CLASP1: variants seen among roughly 807,000 people sequenced by gnomAD.
CLASP1 encodes cytoplasmic linker associated protein 1.
Under a neutral mutation model 192.3 loss-of-function variants are expected in CLASP1, and 38 were observed. That is an observed-to-expected ratio of 0.20 (90% CI 0.15 to 0.26). The LOEUF (loss-of-function observed/expected upper bound fraction) is 0.26, where lower values mean the gene tolerates loss of function less well. Ranked by LOEUF, CLASP1 falls within the 10% of genes least tolerant of loss-of-function variation. The probability of loss-of-function intolerance (pLI) is 1.00; values close to 1 mark genes in which losing one functional copy is unlikely to be tolerated. For synonymous variants in CLASP1, 691 were observed against 712.8 expected (o/e 0.97, Z 0.49); for missense variants, 1,433 against 1,932.5 (o/e 0.74, Z 4.85).
At chr2:121,401,743 A>G in intron 27 of CLASP1, 71 bp from the exon 29 acceptor site, 1 of 1,310,384 alleles carries the variant, frequency 7.6e-7, no homozygotes, top group South Asian at 1.2e-5. Flanking sequence ...ACAAAACATT[A>G]AAAATGCCCA....
chr2:121,439,216 T>A (rs549129858), intron 19 of CLASP1, among the ~76,000 whole-genome samples: 17 of 152,028 alleles, frequency 1.1e-4, no homozygotes, highest in African/African-American at 3.9e-4. Flanking sequence ...TTGATTCTTC[T>A]TTTTTTCTTT....
At chr2:121,569,794 T>C (rs1364797010) in intron 2 of CLASP1, among the ~76,000 whole-genome samples, 1 of 152,072 alleles carries the variant, frequency 6.6e-6, no homozygotes, top group African/African-American at 2.4e-5. Flanking sequence ...TGAGCCAAGA[T>C]TGCAGCACTG....
intron 7 of CLASP1, among the ~76,000 whole-genome samples, chr2:121,503,487 G>T (rs2093828856): frequency 6.6e-6 from 1 of 152,206 alleles, no homozygotes; most frequent in African/African-American, 2.4e-5. Flanking sequence ...GGTGACACAG[G>T]TGTGGGGTGG....
intron 2 of CLASP1, among the ~76,000 whole-genome samples, chr2:121,584,198 C>A (rs1001667974): frequency 6.6e-6 from 1 of 152,182 alleles, no homozygotes; most frequent in African/African-American, 2.4e-5. Context: ...ATCTTCCCAC[C>A]TCGGCCTCCC....
chr2:121,582,089 G>A (rs2061236379), intron 2 of CLASP1, among the ~76,000 whole-genome samples: 1 of 152,004 alleles, frequency 6.6e-6, no homozygotes, highest in African/African-American at 2.4e-5. Flanking sequence ...TCTGAACCCA[G>A]GAGATGGAGG....
intron 30 of CLASP1, 128 bp downstream of exon 31, chr2:121,397,012 G>C: frequency 2.4e-6 from 2 of 825,024 alleles, no homozygotes; most frequent in Non-Finnish European, 3.9e-6. Context: ...AGAGAGAAAA[G>C]GGCAACAGCA....
intron 2 of CLASP1, among the ~76,000 whole-genome samples, chr2:121,585,007 G>A (rs768216654): frequency 6.6e-6 from 1 of 152,154 alleles, no homozygotes; most frequent in Non-Finnish European, 1.5e-5. Context: ...CTTACGATAC[G>A]TCAACCACTT....
intron 8 of CLASP1, among the ~76,000 whole-genome samples, chr2:121,487,288 A>G (rs187407729): frequency 1.0e-3 from 155 of 152,070 alleles, no homozygotes; most frequent in African/African-American, 3.6e-3. Context: ...ATTACCAAAT[A>G]GTATCCTTAC....
At chr2:121,624,471 C>A (rs2067948328) in intron 1 of CLASP1, among the ~76,000 whole-genome samples, 1 of 152,120 alleles carries the variant, frequency 6.6e-6, no homozygotes, top group African/African-American at 2.4e-5. Flanking sequence ...GTACAGTGCA[C>A]ATTTGCGTGA....
At chr2:121,611,194 G>C (rs2065388439) in intron 1 of CLASP1, among the ~76,000 whole-genome samples, 1 of 142,326 alleles carries the variant, frequency 7.0e-6, no homozygotes, top group Non-Finnish European at 1.5e-5. Flanking sequence ...AGAGGAACTG[G>C]AGGAGGAGGA....
intron 2 of CLASP1, chr2:121,531,075 T>G (rs1445163519): frequency 2.9e-6 from 2 of 687,400 alleles, no homozygotes; most frequent in Admixed American, 2.0e-5. Context: ...TAGTACTTTG[T>G]GGTTAAACCA....
intron 24 of CLASP1, among the ~76,000 whole-genome samples, chr2:121,408,202 T>C (rs2077192454): frequency 6.6e-6 from 1 of 152,350 alleles, no homozygotes; most frequent in South Asian, 2.1e-4. Context: ...GCAATATATC[T>C]TGAGCACAGT....
Position 121,367,583 on chromosome 2 carries a change from C to T in CLASP1, c.3886+5G>A. On this transcript the variant is annotated splice_donor_5th_base_variant and intron_variant, in intron 35 of 39. Coordinates refer to ENST00000263710, the Ensembl canonical transcript of CLASP1. ...GTGGGGACAGTTAAGAAAAGAGACA[C>T]CAACCGTCTCGAAGCTGCTCCATGT... 2 of 1,614,002 alleles carry T rather than the reference C, an allele frequency of 1.2e-6. No individual in the cohort carries two copies. Among genetic ancestry groups the T allele is most frequent in the African/African-American group, 1.3e-5 (1 of 75,048 alleles).
chr2:121,377,799 T>A (rs954025285), intron 33 of CLASP1, 150 bp from the exon 35 acceptor site: 2 of 564,214 alleles, frequency 3.5e-6, no homozygotes, highest in African/African-American at 1.9e-5. Context: ...ACGTCTTTTG[T>A]TAGAGTACCA....
At chr2:121,489,680 G>A (rs1022289867) in intron 8 of CLASP1, among the ~76,000 whole-genome samples, 5 of 152,178 alleles carry the variant, frequency 3.3e-5, no homozygotes, top group Admixed American at 3.3e-4. Context: ...CTGAGAAAAA[G>A]CTCTGTGGAA....
At chr2:121,416,875 C>T (rs2078678683) in intron 23 of CLASP1, among the ~76,000 whole-genome samples, 1 of 152,178 alleles carries the variant, frequency 6.6e-6, no homozygotes, top group Non-Finnish European at 1.5e-5. Flanking sequence ...GAACAGGGAC[C>T]ACAAGGCATT....
chr2:121,455,877 T>G (rs1407926522), intron 14 of CLASP1, among the ~76,000 whole-genome samples: 1 of 151,638 alleles, frequency 6.6e-6, no homozygotes, highest in Non-Finnish European at 1.5e-5. Context: ...CAAACAAAAT[T>G]GGACTCATAG....
At chr2:121,591,945 C>T (rs1012844348) in intron 2 of CLASP1, among the ~76,000 whole-genome samples, 3 of 152,212 alleles carry the variant, frequency 2.0e-5, no homozygotes, top group Non-Finnish European at 4.4e-5. Flanking sequence ...GTTGACCTCC[C>T]ATTCTCTACT....
chr2:121,585,089 A>AGCGT (rs1235861921), intron 2 of CLASP1, among the ~76,000 whole-genome samples: 2 of 152,218 alleles, frequency 1.3e-5, no homozygotes, highest in East Asian at 3.8e-4. Flanking sequence ...CAGAAGAAAA[A>AGCGT]CTATGGAGAG....
Sources: gnomAD v4.1 joint callset for allele counts (sites outside exome capture counted in the v4.1 genomes callset) on GRCh38, gnomAD v4.1.1 for gene constraint, MANE v1.5 for transcripts, NCBI Gene and HGNC (gene_info 2026-07-23, HGNC 2026-07-21) for gene names.